The following RFWD3 variants were observed in gnomAD, a reference collection of about 807,000 sequenced individuals.
RFWD3 encodes ring finger and WD repeat domain 3.
A neutral mutation model predicts 87.7 loss-of-function variants in RFWD3; 65 were observed. The ratio of observed to expected loss-of-function variants is 0.74; its 90% confidence interval spans 0.61 to 0.91. RFWD3 has a LOEUF of 0.91. RFWD3 is among the 40% of genes least tolerant of loss of function. The pLI is 0.00. For missense variants in RFWD3, 1,078 were observed against 938.5 expected, an observed-to-expected ratio of 1.15 and a Z score of -1.94; for synonymous variants, 433 against 352.8, an observed-to-expected ratio of 1.23 and a Z score of -2.55.
chr16:74,628,421 A>G, intron 11 of RFWD3, 31 bp downstream of exon 11: 3 of 1,604,090 alleles, frequency 1.9e-6, no homozygotes, highest in Non-Finnish European at 2.6e-6. Context: ...GTGCTCCCAA[A>G]TAAGCTATGG....
intron 2 of RFWD3, among the ~76,000 whole-genome samples, chr16:74,659,601 CA>C (rs58273376): frequency 1.3e-5 from 2 of 148,554 alleles, no homozygotes; most frequent in South Asian, 2.1e-4. Flanking sequence ...GTCTTAAAAA[CA>C]AAAAAAAAAC....
At chr16:74,666,174 T>C (rs532002475) in intron 1 of RFWD3, 3 of 145,316 alleles carry the variant, frequency 2.1e-5, no homozygotes, top group African/African-American at 5.3e-5. Context: ...ATAGATTAGA[T>C]AGACAGATTA....
At chr16:74,644,797 G>A (rs1959987617) in intron 4 of RFWD3, 62 bp from the exon 5 acceptor site, 5 of 1,501,564 alleles carry the variant, frequency 3.3e-6, no homozygotes, top group Admixed American at 2.0e-5. Context: ...TGAAGAAGAT[G>A]TGCAACTAAG....
chr16:74,636,647 A>G, intron 7 of RFWD3, 70 bp from the exon 8 acceptor site: 1 of 1,145,144 alleles, frequency 8.7e-7, no homozygotes, highest in Non-Finnish European at 1.3e-6. Flanking sequence ...CAATTCCTTG[A>G]TCTTTTACAG....
intron 10 of RFWD3, among the ~76,000 whole-genome samples, chr16:74,629,668 A>C (rs969474067): frequency 7.2e-5 from 11 of 151,778 alleles, no homozygotes; most frequent in South Asian, 2.1e-4. Context: ...CCACCAACAA[A>C]AAAAAAAAAC....
chr16:74,657,284 T>C (rs1052021906), intron 2 of RFWD3, among the ~76,000 whole-genome samples: 3 of 152,154 alleles, frequency 2.0e-5, no homozygotes, highest in Admixed American at 6.6e-5. Context: ...AGGAATGCCA[T>C]AGAGCTCAAT....
intron 6 of RFWD3, among the ~76,000 whole-genome samples, chr16:74,638,542 T>G (rs2144137064): frequency 6.6e-6 from 1 of 152,184 alleles, no homozygotes; most frequent in South Asian, 2.1e-4. Context: ...AAATATGAAA[T>G]GCAAAGACAG....
chr16:74,636,500 G>A lies in RFWD3; in HGVS notation c.1272C>T (p.Cys424=). ...PRGSQAWVLS[C]SPSSQGQHKH... ...TGTGCTGGCCCTGGCTGGAGGGTGA[G>A]CAGCTCAGGACCCATGCTTGGGAGC... Residue 424 remains cysteine (C), a synonymous_variant, in exon 8 of 13, where the codon TGC becomes TGT. Coordinates refer to ENST00000361070, the MANE Select transcript of RFWD3 (RefSeq NM_018124.4). 1 of 1,614,088 alleles carries A rather than the reference G, an allele frequency of 6.2e-7. No homozygotes were observed. Among genetic ancestry groups the A allele is most frequent in the Non-Finnish European group, 8.5e-7 (1 of 1,180,030 alleles).
At chr16:74,632,382 A>C in intron 9 of RFWD3, 141 bp downstream of exon 9, 120 of 814,984 alleles carry the variant, frequency 1.5e-4, no homozygotes, top group Non-Finnish European at 2.0e-4. Flanking sequence ...ACAGAGCGAG[A>C]CTCCATCTCA....
intron 2 of RFWD3, among the ~76,000 whole-genome samples, chr16:74,653,866 A>G (rs965640967): frequency 4.6e-5 from 7 of 152,208 alleles, no homozygotes; most frequent in African/African-American, 1.7e-4. Context: ...AATAAACACT[A>G]CTCAGTGTCC....
chr16:74,626,466 A>G lies in RFWD3; in HGVS notation c.2058T>C (p.Pro686=). The change falls in exon 12 of 13, where the codon CCT becomes CCC. Residue 686 remains proline, a synonymous_variant. Coordinates refer to ENST00000361070, the MANE Select transcript of RFWD3 (RefSeq NM_018124.4). The part of the protein sequence containing the change: ...DTGNPICSCQ[P]VHTFFGGPTC... ...TAGGTCCTCCAAAAAATGTATGTACAGGCTGGCAGGAGCAGATTGGATTTC... is the reference window on the plus strand; with the variant it reads ...TAGGTCCTCCAAAAAATGTATGTACGGGCTGGCAGGAGCAGATTGGATTTC... 1 of 1,614,192 alleles carries G rather than the reference A, an allele frequency of 6.2e-7. No homozygotes were observed. Among genetic ancestry groups the G allele is most frequent in the Non-Finnish European group, 8.5e-7 (1 of 1,180,010 alleles).
chr16:74,651,047 T>C (rs1269345913), intron 3 of RFWD3, among the ~76,000 whole-genome samples: 1 of 152,174 alleles, frequency 6.6e-6, no homozygotes, highest in African/African-American at 2.4e-5. Context: ...TAGTGATAAA[T>C]GAGGTTTTGG....
chr16:74,665,736 T>TTTTC (rs993010501), intron 1 of RFWD3, among the ~76,000 whole-genome samples: 4 of 145,850 alleles, frequency 2.7e-5, no homozygotes, highest in Admixed American at 7.1e-5. Flanking sequence ...ACAGGGAGAC[T>TTTTC]TTTCTTTCTT....
rs1483316038 is a variant in RFWD3 at position 74,628,600 on chromosome 16, C to T, written c.1821G>A (p.Val607=). The T allele has an allele frequency of 6.2e-7, 1 of 1,614,188 alleles. No individual in the cohort carries two copies. Among genetic ancestry groups the T allele is most frequent in the Admixed American group, 1.7e-5 (1 of 60,016 alleles). Reference sequence around the variant, plus strand: ...AAGCATCCTCCAAGGTTCCAGCCAGCACCCCACCATATGGAAATGCAGCTG... The same window carrying T: ...AAGCATCCTCCAAGGTTCCAGCCAGTACCCCACCATATGGAAATGCAGCTG... ...AASAAFPYGG[V]LAGTLEDASF... Residue 607 remains valine (V), a synonymous_variant, in exon 11 of 13, where the codon GTG becomes GTA. Coordinates refer to ENST00000361070, the MANE Select transcript of RFWD3 (RefSeq NM_018124.4).
At chr16:74,629,167 G>A (rs886169070) in intron 10 of RFWD3, among the ~76,000 whole-genome samples, 6 of 152,126 alleles carry the variant, frequency 3.9e-5, no homozygotes, top group African/African-American at 1.2e-4. Flanking sequence ...AGGACTATGC[G>A]CCAAGAATTC....
At chr16:74,649,025 TGAGTTATG>T in intron 4 of RFWD3, 99 bp downstream of exon 4, 2 of 600,660 alleles carry the variant, frequency 3.3e-6, no homozygotes, top group Non-Finnish European at 2.7e-6. Flanking sequence ...GAAACTGCAG[TGAGTTATG>T]ACTGCACCAC....
At chr16:74,661,722 T>C (rs1360056644) in intron 1 of RFWD3, among the ~76,000 whole-genome samples, 1 of 152,162 alleles carries the variant, frequency 6.6e-6, no homozygotes, top group Admixed American at 6.6e-5. Context: ...AATAGAAAGA[T>C]CTATAAACCA....
rs200105859 is a variant in RFWD3, at chr16:74,657,046, GA to G, written c.518+3885del. Among the ~76,000 whole-genome samples the G allele has an allele frequency of 5.9e-3, 904 of 152,258 alleles. 5 individuals are homozygous for G. Among genetic ancestry groups the G allele is most frequent in the South Asian group, 0.015 (72 of 4,824 alleles). On this transcript the variant is annotated intron_variant, in intron 2 of 12. Transcript: ENST00000361070. ...TCCATTACCTCAGGCAGGCCCCAGGGAAAATGATTTAGGCTTTTCACACTCT... is the reference window on the plus strand; with the variant it reads ...TCCATTACCTCAGGCAGGCCCCAGGGAAATGATTTAGGCTTTTCACACTCT...
At position 74,636,453 on chromosome 16, in the gene RFWD3, T is replaced by C; in HGVS notation, c.1319A>G (p.Lys440Arg). Residue 440 changes from lysine to arginine, a missense_variant, in exon 8 of 13, where the codon AAG becomes AGG. By Grantham distance (26) the Lys-to-Arg change is conservative. Transcript: ENST00000361070. ...TCCTGCCTGAGATACTGTGAAGGTC[T>C]TTTGGAAGTGGTACTTGTGCTTGTG... Reference protein sequence around the residue: ...GQHKHKYHFQKTFTVSQAGNC... With the variant: ...GQHKHKYHFQRTFTVSQAGNC... The C allele has an allele frequency of 6.2e-7, 1 of 1,614,176 alleles. No homozygotes were observed. The highest frequency in any genetic ancestry group is 8.5e-7 in the Non-Finnish European group (1 of 1,180,020).
Sources: gnomAD v4.1 joint callset for allele counts (sites outside exome capture counted in the v4.1 genomes callset) on GRCh38, gnomAD v4.1.1 for gene constraint, MANE v1.5 for transcripts, NCBI Gene and HGNC (gene_info 2026-07-23, HGNC 2026-07-21) for gene names.